Variants in WDSUB1 observed in about 807,000 individuals in gnomAD.
WDSUB1 encodes WD repeat, sterile alpha motif and U-box domain containing 1, also known as WD repeat, SAM and U-box domain-containing protein 1.
WDSUB1 carries 49 observed loss-of-function variants against 53.9 expected under a neutral mutation model. The observed-to-expected ratio is 0.91, with a 90% CI of 0.72 to 1.15. WDSUB1 has a LOEUF of 1.15. WDSUB1 is among the 50% of genes most tolerant of loss of function. The pLI is 0.00. For missense variants in WDSUB1, 514 were observed against 562.0 expected (o/e 0.91, Z 0.86); for synonymous variants, 194 against 200.6 (o/e 0.97, Z 0.28).
At chr2:159,247,907 ATAAAT>A (rs1559531990) in intron 10 of WDSUB1, among the ~76,000 whole-genome samples, 14 of 17,998 alleles carry the variant, frequency 7.8e-4, no homozygotes, top group South Asian at 4.3e-3. Context: ...ATATATATAT[ATAAAT>A]ATATATATAT....
At chr2:159,261,530 A>T (rs2061187889) in intron 5 of WDSUB1, among the ~76,000 whole-genome samples, 1 of 152,242 alleles carries the variant, frequency 6.6e-6, no homozygotes, top group South Asian at 2.1e-4. Context: ...TTTAATCCTA[A>T]GTTCTTCAAG....
chr2:159,273,363 C>T (rs145977617), intron 4 of WDSUB1, among the ~76,000 whole-genome samples: 39 of 152,264 alleles, frequency 2.6e-4, no homozygotes, highest in African/African-American at 8.9e-4. Context: ...CTACTCCTCC[C>T]TACAAATAAG....
chr2:159,239,631 A>G (rs150548718), intron 10 of WDSUB1, among the ~76,000 whole-genome samples: 5 of 152,180 alleles, frequency 3.3e-5, no homozygotes, highest in African/African-American at 9.7e-5. Flanking sequence ...TTTTTATCAT[A>G]TAAGAAAGTC....
intron 9 of WDSUB1, among the ~76,000 whole-genome samples, chr2:159,249,886 C>A (rs112157304): frequency 1.5e-4 from 22 of 144,836 alleles, no homozygotes; most frequent in South Asian, 6.6e-4. Flanking sequence ...GCCAACATGG[C>A]AAAACCCCAT....
At chr2:159,277,732 CTT>C (rs2061572821) in intron 3 of WDSUB1, among the ~76,000 whole-genome samples, 1 of 124,964 alleles carries the variant, frequency 8.0e-6, no homozygotes, top group Non-Finnish European at 2.0e-5. Context: ...AAATTATATA[CTT>C]TGTCTTCTAA....
chr2:159,241,719 C>CTTTTTTTTTTTTTTTTTT (rs527377114), intron 10 of WDSUB1, among the ~76,000 whole-genome samples: 6 of 130,330 alleles, frequency 4.6e-5, no homozygotes, highest in Non-Finnish European at 9.5e-5. Context: ...TTTCTTTTTT[C>CTTTTTTTTTTTTTTTTTT]TTTTTTTTTT....
intron 10 of WDSUB1, among the ~76,000 whole-genome samples, chr2:159,243,429 G>C (rs2060712281): frequency 6.8e-6 from 1 of 146,440 alleles, no homozygotes; most frequent in Non-Finnish European, 1.5e-5. Flanking sequence ...ACACAGATAA[G>C]TACAAGTAAA....
intron 2 of WDSUB1, among the ~76,000 whole-genome samples, chr2:159,280,612 ACCCGGGAGGCGGAG>A (rs1288490184): frequency 7.3e-6 from 1 of 137,214 alleles, no homozygotes; most frequent in African/African-American, 2.7e-5. Context: ...AATGGCGTGA[ACCCGGGAGGCGGAG>A]CTTGCAGTGA....
At chr2:159,274,751 C>T (rs1386777686) in intron 4 of WDSUB1, among the ~76,000 whole-genome samples, 1 of 152,126 alleles carries the variant, frequency 6.6e-6, no homozygotes, top group Non-Finnish European at 1.5e-5. Context: ...TAAACATTGT[C>T]TAATTCTTAA....
intron 5 of WDSUB1, among the ~76,000 whole-genome samples, chr2:159,265,105 C>T (rs902852459): frequency 1.4e-5 from 2 of 144,976 alleles, no homozygotes; most frequent in African/African-American, 5.3e-5. Flanking sequence ...AAAAATAAAA[C>T]AACAACAACA....
At chr2:159,280,383 C>T (rs968289155) in intron 2 of WDSUB1, among the ~76,000 whole-genome samples, 4 of 152,242 alleles carry the variant, frequency 2.6e-5, no homozygotes, top group Non-Finnish European at 2.9e-5. Flanking sequence ...GTACTTACAA[C>T]GTCTGTATTA....
At chr2:159,283,655 C>T (rs2061725251) in intron 1 of WDSUB1, among the ~76,000 whole-genome samples, 6 of 53,482 alleles carry the variant, frequency 1.1e-4, no homozygotes, top group Non-Finnish European at 2.4e-4. Context: ...CTATCTGCTC[C>T]GCCTTCAAAA....
chr2:159,282,933 G>A lies in WDSUB1; in HGVS notation c.137C>T (p.Pro46Leu). 1.2e-6 allele frequency: 2 copies of A among 1,614,186 alleles called. No homozygotes were observed. Among genetic ancestry groups the A allele is most frequent in the Non-Finnish European group, 1.7e-6 (2 of 1,180,042 alleles). The change falls in exon 2 of 11, where the codon CCA becomes CTA. Residue 46 changes from proline to leucine, a missense_variant. By Grantham distance (98) the Pro-to-Leu change is moderately conservative (BLOSUM62 -3). Coordinates refer to ENST00000359774, the MANE Select transcript of WDSUB1 (RefSeq NM_001128212.3). ...GGTATGAAACTTCAATGGAGAATGT[G>A]GCAGTTCAGTAAAGTCACGTAACGA... ...LYSLRDFTEL[P>L]HSPLKFHTYA...
intron 4 of WDSUB1, among the ~76,000 whole-genome samples, chr2:159,272,101 G>A (rs1214931349): frequency 6.6e-6 from 1 of 152,206 alleles, no homozygotes; most frequent in Non-Finnish European, 1.5e-5. Flanking sequence ...CAATCTGTAA[G>A]ACCACTCCCA....
chr2:159,236,149 T>C lies in WDSUB1; in HGVS notation c.1315A>G (p.Ser439Gly), dbSNP rs982669492. The C allele has an allele frequency of 8.7e-6, 14 of 1,612,852 alleles. No homozygotes were observed. Among genetic ancestry groups the C allele is most frequent in the Non-Finnish European group, 1.1e-5 (13 of 1,179,656 alleles). Residue 439 changes from serine (S) to glycine (G), a missense_variant, in exon 11 of 11, where the codon AGC (serine) becomes GGC (glycine). Physicochemically the swap from Ser to Gly is moderately conservative, Grantham distance 56. Coordinates refer to ENST00000359774, the MANE Select transcript of WDSUB1 (RefSeq NM_001128212.3). ...ATGGGACTTGTACGTTTCTTTTTGCTGATCCAATTTTCCATTGCTTCCTTT... is the reference window on the plus strand; with the variant it reads ...ATGGGACTTGTACGTTTCTTTTTGCCGATCCAATTTTCCATTGCTTCCTTT... ...YEKEAMENWI[S>G]KKKRTSPMTN...
chr2:159,259,868 GA>G (rs1419403320), intron 5 of WDSUB1, 25 bp from the exon 6 acceptor site: 1 of 1,493,188 alleles, frequency 6.7e-7, no homozygotes, highest in East Asian at 2.4e-5. Context: ...AATTATAGGT[GA>G]AAAGTTCTAT....
intron 3 of WDSUB1, among the ~76,000 whole-genome samples, chr2:159,276,117 G>T (rs138315592): frequency 6.6e-6 from 1 of 150,974 alleles, no homozygotes; most frequent in Non-Finnish European, 1.5e-5. Flanking sequence ...GGAGTGCAGT[G>T]GTGCGATCTT....
Position 159,282,954 on chromosome 2 carries a change from A to G in WDSUB1, c.116T>C (p.Leu39Ser). Residue 39 changes from leucine (L) to serine (S), a missense_variant, in exon 2 of 11, where the codon TTA becomes TCA. Transcript: ENST00000359774. ...ATGTGGCAGTTCAGTAAAGTCACGT[A>G]ACGAGTACAGGCGAATTGTTTTGTC... ...SLDKTIRLYS[L>S]RDFTELPHSP... 1.2e-6 allele frequency: 2 copies of G among 1,614,226 alleles called. No homozygotes were observed.
At chr2:159,282,429 T>C (rs996496712) in intron 2 of WDSUB1, among the ~76,000 whole-genome samples, 4 of 152,256 alleles carry the variant, frequency 2.6e-5, no homozygotes, top group Admixed American at 2.0e-4. Flanking sequence ...CCTGACCTCG[T>C]GATCCGCCTG....
Sources: gnomAD v4.1 joint callset for allele counts (sites outside exome capture counted in the v4.1 genomes callset) on GRCh38, gnomAD v4.1.1 for gene constraint, MANE v1.5 for transcripts, NCBI Gene and HGNC (gene_info 2026-07-23, HGNC 2026-07-21) for gene names.